The following TP73 variants were observed in gnomAD, a reference collection of about 807,000 sequenced individuals.
The protein encoded by TP73 is tumor protein p73, also known as p53-like transcription factor.
In TP73, 25 loss-of-function variants were observed where a neutral mutation model predicts 62.5. The ratio of observed to expected loss-of-function variants is 0.40; its 90% CI spans 0.29 to 0.56. The LOEUF (loss-of-function observed/expected upper bound fraction) is 0.56, where lower values mean the gene tolerates loss of function less well. Ranked by LOEUF, TP73 falls within the 20% of genes least tolerant of loss-of-function variation. The pLI is 0.46. For synonymous variants in TP73, 423 were observed against 377.5 expected, an observed-to-expected ratio of 1.12 and a Z score of -1.40; for missense variants, 754 against 913.3, an observed-to-expected ratio of 0.83 and a Z score of 2.25.
rs557573495 is a variant in TP73 at position 3,683,330 on chromosome 1, G to A, written c.186+150G>A. 5.0e-6 allele frequency: 5 copies of A among 997,686 alleles called. No homozygotes were observed. The East Asian group carries it at 1.1e-4, about 23-fold the overall frequency. The allele number at this position is 997,686 out of a possible 1,614,324, so 61.8% of individuals were successfully genotyped here. On this transcript the variant is annotated intron_variant, in intron 3 of 13. Transcript: ENST00000378295. Reference sequence around the variant, plus strand: ...TTCTGAGGACACTTCAAATTGCAAAGGAGAAAATGTATCAGCTCATGTAAC... The same window carrying A: ...TTCTGAGGACACTTCAAATTGCAAAAGAGAAAATGTATCAGCTCATGTAAC...
chr1:3,729,258 A>C (rs1277683511), intron 9 of TP73, 69 bp from the exon 10 acceptor site: 36 of 1,599,496 alleles, frequency 2.3e-5, no homozygotes, highest in Non-Finnish European at 2.9e-5. Context: ...GGTCCTCCTG[A>C]GGCTGCGGCC....
Position 3,730,048 on chromosome 1 carries a change from C to T in TP73, c.1245C>T (p.Asn415=). The T allele has an allele frequency of 1.9e-6, 3 of 1,609,462 alleles. No individual in the cohort carries two copies. The highest frequency in any genetic ancestry group is 2.5e-6 in the Non-Finnish European group (3 of 1,178,308). ...PSYGPVLSPM[N]KVHGGMNKLP... ...ACGGGCCGGTCCTCTCGCCCATGAA[C>T]AAGGTGCACGGGGGCATGAACAAGC... The change falls in exon 11 of 14, where the codon AAC becomes AAT. Residue 415 remains asparagine (N), a synonymous_variant. Transcript: ENST00000378295.
intron 4 of TP73, among the ~76,000 whole-genome samples, chr1:3,716,985 AG>A (rs1640650169): frequency 1.3e-5 from 2 of 152,186 alleles, no homozygotes; most frequent in South Asian, 4.1e-4. Context: ...ACTGGATAAA[AG>A]TGAGCAATAA....
At chr1:3,721,240 G>T (rs1641044546) in intron 4 of TP73, among the ~76,000 whole-genome samples, 1 of 152,250 alleles carries the variant, frequency 6.6e-6, no homozygotes, top group African/African-American at 2.4e-5. Flanking sequence ...GGCCTCTGCA[G>T]GGGCTGGCTC....
At chr1:3,722,354 GC>G in intron 5 of TP73, 147 bp downstream of exon 5, 2 of 1,027,766 alleles carry the variant, frequency 1.9e-6, no homozygotes, top group Non-Finnish European at 1.4e-6. Context: ...GCCTCCACCA[GC>G]CCCCATTTTC....
In TP73 at chr1:3,670,236, G is replaced by A. The variant is rs550716365; in HGVS notation, c.-33-12097G>A. On this transcript the variant is annotated intron_variant, in intron 1 of 13. Coordinates refer to ENST00000378295, the MANE Select transcript of TP73 (RefSeq NM_005427.4). The surrounding 1 kb of genome is among the most constrained non-coding windows in gnomAD (Gnocchi z 5.9). The stretch of plus-strand genomic sequence containing the variant: ...GACCACATGGGCACAGGTAAGGCAG[G>A]GATGATGATGGGGCCGGGGGACCAC... Among the ~76,000 whole-genome samples, 1 of 152,092 alleles carries A rather than the reference G, an allele frequency of 6.6e-6. No individual in the cohort carries two copies. The highest frequency in any genetic ancestry group is 6.5e-5 in the Admixed American group (1 of 15,276).
At chr1:3,680,805 G>C (rs917228977) in intron 1 of TP73, among the ~76,000 whole-genome samples, 1 of 152,222 alleles carries the variant, frequency 6.6e-6, no homozygotes, top group African/African-American at 2.4e-5. Context: ...AGCTCCACTG[G>C]GGTTTTAGCC....
rs528262937 is a variant in TP73 at position 3,663,577 on chromosome 1, G to A, written c.-34+10936G>A. Among the ~76,000 whole-genome samples, 23 of 152,188 alleles carry A rather than the reference G, an allele frequency of 1.5e-4. No homozygotes were observed. Among genetic ancestry groups the A allele is most frequent in the African/African-American group, 4.1e-4 (17 of 41,528 alleles). On this transcript the variant is annotated intron_variant, in intron 1 of 13. Transcript: ENST00000378295. The surrounding 1 kb of genome is among the most constrained non-coding windows in gnomAD (Gnocchi z 4.7). ...AAAAAATACAAAAAATTAGCCAGGCGTGGTGGCGGGCGCCTGTAGTCCCAG... is the reference window on the plus strand; with the variant it reads ...AAAAAATACAAAAAATTAGCCAGGCATGGTGGCGGGCGCCTGTAGTCCCAG...
intron 1 of TP73, among the ~76,000 whole-genome samples, chr1:3,677,968 G>A (rs538419204): frequency 6.6e-6 from 1 of 152,246 alleles, no homozygotes; most frequent in South Asian, 2.1e-4. Flanking sequence ...GCCTCCTAAA[G>A]TGTTGGGATT....
At chr1:3,705,072 T>C (rs1053868725) in intron 3 of TP73, among the ~76,000 whole-genome samples, 8 of 152,228 alleles carry the variant, frequency 5.3e-5, no homozygotes, top group Admixed American at 5.2e-4. Flanking sequence ...AGTCTTGCCC[T>C]GTCTCCCAGG....
At chr1:3,702,426 G>A (rs1639246740) in intron 3 of TP73, among the ~76,000 whole-genome samples, 1 of 152,176 alleles carries the variant, frequency 6.6e-6, no homozygotes, top group South Asian at 2.1e-4. Flanking sequence ...GACTGGCCCA[G>A]GCGAGAGAGC....
rs533051199 is a variant in TP73, at chr1:3,701,736, G to A, written c.187-5813G>A. On this transcript the variant is annotated intron_variant, in intron 3 of 13. Coordinates refer to ENST00000378295, the MANE Select transcript of TP73 (RefSeq NM_005427.4). The surrounding 1 kb of genome is among the most constrained non-coding windows in gnomAD (Gnocchi z 4.7). ...ATTGGCTAGGCCAGTCTTGAACTCC[G>A]GACCTCAGGTGATCCGCCTGCCTCG... Among the ~76,000 whole-genome samples the A allele has an allele frequency of 1.1e-3, 174 of 152,180 alleles. No homozygotes were observed. Among genetic ancestry groups the A allele is most frequent in the African/African-American group, 3.8e-3 (156 of 41,526 alleles).
chr1:3,665,488 A>G (rs764227335), intron 1 of TP73, among the ~76,000 whole-genome samples: 56 of 152,212 alleles, frequency 3.7e-4, no homozygotes, highest in Non-Finnish European at 7.2e-4. Flanking sequence ...TGAAAGTATT[A>G]GAATAACAGA....
intron 1 of TP73, among the ~76,000 whole-genome samples, chr1:3,679,716 C>A (rs1215024872): frequency 6.6e-6 from 1 of 151,230 alleles, no homozygotes; most frequent in Non-Finnish European, 1.5e-5. Context: ...TTGTCTCTCT[C>A]CGTCTCTCTT....
chr1:3,732,782 C>A lies in TP73; in HGVS notation c.1614C>A (p.Arg538=). ...LGALKIPEQY[R]MTIWRGLQDL... ...CCCTGAAGATCCCCGAGCAGTACCG[C>A]ATGACCATCTGGCGGGGCCTGCAGG... is the stretch of plus-strand genomic sequence containing the variant. Residue 538 remains arginine (R), a synonymous_variant, in exon 14 of 14, where the codon CGC becomes CGA. Transcript: ENST00000378295. The A allele has an allele frequency of 6.2e-7, 1 of 1,601,174 alleles. No individual in the cohort carries two copies. The highest frequency in any genetic ancestry group is 8.5e-7 in the Non-Finnish European group (1 of 1,172,012).
In TP73 at chr1:3,696,283, C is replaced by T. The variant is rs1456350728; in HGVS notation, c.187-11266C>T. On this transcript the variant is annotated intron_variant, in intron 3 of 13. Coordinates refer to ENST00000378295, the MANE Select transcript of TP73 (RefSeq NM_005427.4). This position sits in a 1 kb window ranked among gnomAD's most constrained non-coding sequence, Gnocchi z 4.1. ...AAAGATGCTGAGGTTCCATTTGCAC[C>T]CTTGCAGGAGGCTCTGCTGCTCCCC... Among the ~76,000 whole-genome samples the T allele has an allele frequency of 6.6e-6, 1 of 151,938 alleles. No homozygotes were observed. Among genetic ancestry groups the T allele is most frequent in the African/African-American group, 2.4e-5 (1 of 41,342 alleles).
chr1:3,687,733 C>A lies in TP73; in HGVS notation c.186+4553C>A, dbSNP rs1039432082. Reference sequence around the variant, plus strand: ...CCCCTCTCTGTCCCTAGAGCCTCCTCCAGGGCTGGCCCCTCCCCTGTGCCC... The same window carrying A: ...CCCCTCTCTGTCCCTAGAGCCTCCTACAGGGCTGGCCCCTCCCCTGTGCCC... On this transcript the variant is annotated intron_variant, in intron 3 of 13. Coordinates refer to ENST00000378295, the MANE Select transcript of TP73 (RefSeq NM_005427.4). Among the ~76,000 whole-genome samples the A allele has an allele frequency of 2.6e-5, 4 of 152,250 alleles. No individual in the cohort carries two copies. In the East Asian group the frequency reaches 5.8e-4, roughly 22 times the overall value.
intron 3 of TP73, chr1:3,697,967 C>A: frequency 4.0e-6 from 2 of 505,600 alleles, no homozygotes; most frequent in Non-Finnish European, 5.1e-6. Flanking sequence ...CCGTGACTGC[C>A]TCCCCCTCCC....
intron 1 of TP73, chr1:3,659,354 G>A (rs1012140347): frequency 6.6e-6 from 1 of 152,154 alleles, no homozygotes; most frequent in East Asian, 1.9e-4. Context: ...CCTGGGCTTC[G>A]TGGTAATCTC....
Sources: allele counts gnomAD v4.1 joint callset (sites outside exome capture counted in the v4.1 genomes callset), GRCh38; gene constraint gnomAD v4.1.1; non-coding constraint Gnocchi (gnomAD v3.1); transcripts MANE v1.5; gene names NCBI Gene and HGNC (gene_info 2026-07-23, HGNC 2026-07-21).